Variants in TRIM67 observed in about 807,000 individuals in gnomAD.
TRIM67 encodes the protein tripartite motif-containing protein 67.
A neutral mutation model predicts 71.0 loss-of-function variants in TRIM67; 39 were observed. That is an observed-to-expected ratio of 0.55 (90% confidence interval 0.43 to 0.72). TRIM67 has a LOEUF of 0.72. TRIM67 is among the 30% of genes least tolerant of loss of function. The probability of loss-of-function intolerance (pLI) is 0.00; values close to 1 mark genes in which losing one functional copy is unlikely to be tolerated. For missense variants in TRIM67, 973 were observed against 1,079.2 expected, an observed-to-expected ratio of 0.90 and a Z score of 1.38; for synonymous variants, 481 against 473.9, an observed-to-expected ratio of 1.01 and a Z score of -0.19.
At chr1:231,184,983 C>A in intron 1 of TRIM67, 1 of 1,525,468 alleles carries the variant, frequency 6.6e-7, no homozygotes, top group South Asian at 1.2e-5. Flanking sequence ...CAGCAGTGCT[C>A]CTGAATGGGT....
In TRIM67 at chr1:231,213,841, C is replaced by A; in HGVS notation, c.2150C>A (p.Ala717Asp). Residue 717 changes from alanine (A) to aspartate (D), a missense_variant, in exon 9 of 10, where the codon GCC becomes GAC. Ala to Asp is a moderately radical substitution (Grantham distance 126). This residue lies in a region of TRIM67 where 178 missense variants were observed against 247.9 expected (regional missense o/e 0.72). Coordinates refer to ENST00000366653, the MANE Select transcript of TRIM67 (RefSeq NM_001004342.5). Reference sequence around the variant, plus strand: ...ACGGAAGGTGGCGTGTGCAAGGGGGCCACCGTGGGCGTGCTGCTGGACCTG... The same window carrying A: ...ACGGAAGGTGGCGTGTGCAAGGGGGACACCGTGGGCGTGCTGCTGGACCTG... ...NRTEGGVCKG[A>D]TVGVLLDLNK... 6.2e-7 allele frequency: 1 copy of A among 1,607,512 alleles called. No individual in the cohort carries two copies. The highest frequency in any genetic ancestry group is 8.5e-7 in the Non-Finnish European group (1 of 1,176,124).
chr1:231,216,867 C>T lies in TRIM67; in HGVS notation c.*1427C>T. 2 of 985,574 alleles carry T rather than the reference C, an allele frequency of 2.0e-6. No individual in the cohort carries two copies. The highest frequency in any genetic ancestry group is 2.4e-6 in the Non-Finnish European group (2 of 829,978). The allele number at this position is 985,574 out of a possible 1,614,324, so 61.1% of individuals were successfully genotyped here. On this transcript the variant is annotated 3_prime_UTR_variant, in exon 10 of 10. Transcript: ENST00000366653. ...CCCTTCCTCTCCTCCCTCCTCTCAT[C>T]TTCCCAGTCACCTGCCACCTCCAGC...
chr1:231,219,552 C>G lies in TRIM67; in HGVS notation c.*4112C>G. 5.5e-6 allele frequency: 6 copies of G among 1,089,872 alleles called. No homozygotes were observed. The highest frequency in any genetic ancestry group is 6.7e-6 in the Non-Finnish European group (6 of 892,216). The allele number at this position is 1,089,872 out of a possible 1,614,324, so 67.5% of individuals were successfully genotyped here. A position where few individuals can be genotyped will look rare whatever the true frequency, so the allele number is the denominator to read the frequency against. On this transcript the variant is annotated 3_prime_UTR_variant, in exon 10 of 10. Coordinates refer to ENST00000366653, the MANE Select transcript of TRIM67 (RefSeq NM_001004342.5). ...TGAGCCACCTCCAACAGATGCCAAC[C>G]TGTTGGGTCTTGAATTTTCACTCAC...
In TRIM67 at chr1:231,162,857, A is replaced by G. The variant is rs1682325422; in HGVS notation, c.-113A>G. On this transcript the variant is annotated 5_prime_UTR_variant, in exon 1 of 10. The change abolishes an upstream ATG in the 5' untranslated region. Transcript: ENST00000366653. Reference sequence around the variant, plus strand: ...GCTGTGAAGTGGGCATGCCCGTGTGATGCCCCCGCCCGTCGTCTCACCGGG... The same window carrying G: ...GCTGTGAAGTGGGCATGCCCGTGTGGTGCCCCCGCCCGTCGTCTCACCGGG... The G allele has an allele frequency of 7.1e-7, 1 of 1,417,242 alleles. No homozygotes were observed. The highest frequency in any genetic ancestry group is 1.4e-5 in the African/African-American group (1 of 69,474). 87.8% of individuals were successfully genotyped at this position (1,417,242 alleles called of 1,614,324 possible).
intron 1 of TRIM67, among the ~76,000 whole-genome samples, chr1:231,171,504 G>A (rs1682617293): frequency 6.6e-6 from 1 of 152,116 alleles, no homozygotes; most frequent in African/African-American, 2.4e-5. Flanking sequence ...GCCATTTTCG[G>A]TGGGGGTGCT....
chr1:231,177,026 C>T (rs962404999), intron 1 of TRIM67, among the ~76,000 whole-genome samples: 19 of 151,738 alleles, frequency 1.3e-4, no homozygotes, highest in Non-Finnish European at 2.4e-4. Flanking sequence ...ATAAGAGATT[C>T]CCAGGAGGAA....
At chr1:231,167,129 C>CT in intron 1 of TRIM67, among the ~76,000 whole-genome samples, 1 of 151,960 alleles carries the variant, frequency 6.6e-6, no homozygotes, top group East Asian at 1.9e-4. Flanking sequence ...GAGAATAATT[C>CT]TTTTTTCTTT....
Position 231,209,132 on chromosome 1 carries a change from G to C in TRIM67, c.2005G>C (p.Gly669Arg). 3 of 1,613,938 alleles carry C rather than the reference G, an allele frequency of 1.9e-6. No individual in the cohort carries two copies. Among genetic ancestry groups the C allele is most frequent in the Non-Finnish European group, 2.5e-6 (3 of 1,179,850 alleles). ...CGACAACCACCCAGACCCCGCCTTCGGGGTGGCCAGGGCCAGCGTGGTCAA... is the reference window on the plus strand; with the variant it reads ...CGACAACCACCCAGACCCCGCCTTCCGGGTGGCCAGGGCCAGCGTGGTCAA... ...RYDNHPDPAFGVARASVVKDM... is the reference protein window; with the variant it reads ...RYDNHPDPAFRVARASVVKDM... Residue 669 changes from glycine to arginine, a missense_variant, in exon 8 of 10, where the codon GGG (glycine) becomes CGG (arginine). Transcript: ENST00000366653. This position sits in a 1 kb window ranked among gnomAD's most constrained non-coding sequence, Gnocchi z 4.1.
At chr1:231,170,231 C>T (rs1682589310) in intron 1 of TRIM67, among the ~76,000 whole-genome samples, 1 of 152,096 alleles carries the variant, frequency 6.6e-6, no homozygotes, top group South Asian at 2.1e-4. Flanking sequence ...GGTGATCCGC[C>T]CACCTCTGCC....
At chr1:231,190,211 G>A (rs900938423) in intron 1 of TRIM67, among the ~76,000 whole-genome samples, 6 of 152,152 alleles carry the variant, frequency 3.9e-5, no homozygotes, top group African/African-American at 4.8e-5. Context: ...CAGTGGTGGC[G>A]CCTTCAAAGA....
chr1:231,195,692 T>C (rs918822342), intron 1 of TRIM67, among the ~76,000 whole-genome samples: 1 of 152,170 alleles, frequency 6.6e-6, no homozygotes, highest in Non-Finnish European at 1.5e-5. Flanking sequence ...CCCTGTGTCT[T>C]TTTGTGGGCT....
chr1:231,184,389 G>A, intron 1 of TRIM67: 1 of 152,480 alleles, frequency 6.6e-6, no homozygotes, highest in Non-Finnish European at 1.5e-5. Flanking sequence ...AGCAGGAACA[G>A]ACAGCTAAGA....
At chr1:231,177,233 G>C (rs1187794218) in intron 1 of TRIM67, among the ~76,000 whole-genome samples, 2 of 152,182 alleles carry the variant, frequency 1.3e-5, no homozygotes, top group Non-Finnish European at 2.9e-5. Flanking sequence ...GAGTTGAGTT[G>C]GGTTTCAAAG....
At chr1:231,208,784 TTG>T (rs962902129) in intron 7 of TRIM67, among the ~76,000 whole-genome samples, 161 bp from the exon 8 acceptor site, 1 of 152,036 alleles carries the variant, frequency 6.6e-6, no homozygotes. Flanking sequence ...GTGTGTACGT[TTG>T]TGTGTGTGTG....
chr1:231,215,503 C>T lies in TRIM67; in HGVS notation c.*63C>T. On this transcript the variant is annotated 3_prime_UTR_variant, in exon 10 of 10. Coordinates refer to ENST00000366653, the MANE Select transcript of TRIM67 (RefSeq NM_001004342.5). The stretch of plus-strand genomic sequence containing the variant: ...ATTCACAGGCAAAACGCCCACCATT[C>T]TCACTAAGCTCAAATAACCCACAAA... 1 of 1,506,552 alleles carries T rather than the reference C, an allele frequency of 6.6e-7. No homozygotes were observed. The allele number at this position is 1,506,552 out of a possible 1,614,324, so 93.3% of individuals were successfully genotyped here. A position where few individuals can be genotyped will look rare whatever the true frequency, so the allele number is the denominator to read the frequency against.
chr1:231,192,710 G>A (rs1469890420), intron 1 of TRIM67, among the ~76,000 whole-genome samples: 1 of 152,224 alleles, frequency 6.6e-6, no homozygotes. Context: ...CTCTTCCATG[G>A]CTGCAGACCA....
chr1:231,206,704 A>G lies in TRIM67; in HGVS notation c.1733A>G (p.Asn578Ser). 1 of 1,611,950 alleles carries G rather than the reference A, an allele frequency of 6.2e-7. No individual in the cohort carries two copies. The highest frequency in any genetic ancestry group is 8.5e-7 in the Non-Finnish European group (1 of 1,179,096). ...TLCTIDGLHFNSTYNARVKAF... is the reference protein window; with the variant it reads ...TLCTIDGLHFSSTYNARVKAF... Reference sequence around the variant, plus strand: ...TGTACCATCGACGGTCTTCACTTCAACAGCACCTACAACGCCCGAGTCAAA... The same window carrying G: ...TGTACCATCGACGGTCTTCACTTCAGCAGCACCTACAACGCCCGAGTCAAA... Residue 578 changes from asparagine (N) to serine (S), a missense_variant, in exon 7 of 10, where the codon AAC (asparagine) becomes AGC (serine). Physicochemically the swap from Asn to Ser is conservative, Grantham distance 46 (BLOSUM62 1). Coordinates refer to ENST00000366653, the MANE Select transcript of TRIM67 (RefSeq NM_001004342.5).
chr1:231,178,423 A>G (rs917704542), intron 1 of TRIM67, among the ~76,000 whole-genome samples: 1 of 152,246 alleles, frequency 6.6e-6, no homozygotes, highest in Non-Finnish European at 1.5e-5. Context: ...TGTACACCAC[A>G]TGTGCGTGTT....
chr1:231,169,368 CT>C (rs775082418), intron 1 of TRIM67, among the ~76,000 whole-genome samples: 4,324 of 81,702 alleles, frequency 0.053, 72 homozygotes, highest in African/African-American at 0.099. Flanking sequence ...ATTCTTTTCT[CT>C]TTTTTTTTTT....
Sources: gnomAD v4.1 joint callset for allele counts (sites outside exome capture counted in the v4.1 genomes callset) on GRCh38, gnomAD v4.1.1 for gene constraint, gnomAD v4.1.1 regional missense constraint, Gnocchi (gnomAD v3.1) non-coding constraint, MANE v1.5 for transcripts, NCBI Gene and HGNC (gene_info 2026-07-23, HGNC 2026-07-21) for gene names.